CYP2C8: variants seen among roughly 807,000 people sequenced by gnomAD.
CYP2C8 encodes the protein cytochrome P450 2C8.
A neutral mutation model predicts 41.3 loss-of-function variants in CYP2C8; 51 were observed. That is an observed-to-expected ratio of 1.24 (90% confidence interval 0.99 to 1.56). CYP2C8 has a LOEUF of 1.56. Ranked by LOEUF, CYP2C8 falls within the 40% of genes most tolerant of loss-of-function variation. CYP2C8 has a pLI of 0.00. For missense variants in CYP2C8, 651 were observed against 579.9 expected (o/e 1.12, Z -1.26); for synonymous variants, 218 against 205.8 (o/e 1.06, Z -0.51).
intron 6 of CYP2C8, among the ~76,000 whole-genome samples, chr10:95,044,805 A>C (rs1300914560): frequency 6.6e-6 from 1 of 152,128 alleles, no homozygotes; most frequent in Admixed American, 6.6e-5. Flanking sequence ...CTCATTCCCT[A>C]CTGTCTTTGG....
intron 6 of CYP2C8, among the ~76,000 whole-genome samples, chr10:95,044,906 A>T (rs932635777): frequency 3.9e-5 from 6 of 152,210 alleles, no homozygotes; most frequent in African/African-American, 1.4e-4. Flanking sequence ...GCTAATACTT[A>T]CAACTCCATC....
At chr10:95,039,308 G>A (rs1428657800) in intron 7 of CYP2C8, 1 of 434,554 alleles carries the variant, frequency 2.3e-6, no homozygotes, top group Non-Finnish European at 4.2e-6. Flanking sequence ...CCCTTTTCTG[G>A]CCTCATTTGC....
At chr10:95,038,177 G>T (rs991444758) in intron 8 of CYP2C8, among the ~76,000 whole-genome samples, 6 of 152,172 alleles carry the variant, frequency 3.9e-5, no homozygotes, top group Non-Finnish European at 5.9e-5. Flanking sequence ...CAGGATATAT[G>T]ATCATGATTG....
chr10:95,064,649 C>T (rs11572093), intron 4 of CYP2C8, 151 bp downstream of exon 4: 197,700 of 768,670 alleles, frequency 0.26, 27,279 homozygotes, highest in Non-Finnish European at 0.28. Flanking sequence ...AAATTTTGAA[C>T]AGGAAATCAA....
chr10:95,058,218 T>C, intron 5 of CYP2C8, 117 bp downstream of exon 5: 1 of 1,449,878 alleles, frequency 6.9e-7, no homozygotes, highest in Non-Finnish European at 9.5e-7. Flanking sequence ...GTAATTAAGA[T>C]GCTTGTCAAG....
At position 95,058,508 on chromosome 10, in the gene CYP2C8, A is replaced by G. The variant is rs1262526703; in HGVS notation, c.646T>C (p.Cys216Arg). 3 of 1,610,038 alleles carry G rather than the reference A, an allele frequency of 1.9e-6. No homozygotes were observed. The highest frequency in any genetic ancestry group is 1.1e-5 in the South Asian group (1 of 90,790). ...RILNSPWIQV[C>R]NNFPLLIDCF... ...TCAATGAGTAGAGGGAAATTATTGC[A>G]GACCTAAAAGAGAAAAGAATATTAA... Residue 216 changes from cysteine to arginine, a missense_variant, in exon 5 of 9, where the codon TGC (cysteine) becomes CGC (arginine). Transcript: ENST00000371270.
intron 5 of CYP2C8, among the ~76,000 whole-genome samples, chr10:95,052,376 A>G (rs2033228966): frequency 6.6e-6 from 1 of 152,094 alleles, no homozygotes; most frequent in South Asian, 2.1e-4. Flanking sequence ...GCAAATATTT[A>G]AAGAACTAAT....
rs751169688 is a variant in CYP2C8, at chr10:95,042,911, G to A, written c.1128C>T (p.Phe376=). The change falls in exon 7 of 9, where the codon TTC becomes TTT. Residue 376 remains phenylalanine, a synonymous_variant. Transcript: ENST00000371270. ...TTACCTTGGGGATGAGGTAGTTTCT[G>A]AACTTAGTATCAGTGGTCACTGCAT... ...VPHAVTTDTK[F]RNYLIPKGTT... 1 of 1,614,058 alleles carries A rather than the reference G, an allele frequency of 6.2e-7. No individual in the cohort carries two copies. The highest frequency in any genetic ancestry group is 1.1e-5 in the South Asian group (1 of 91,076).
At position 95,042,822 on chromosome 10, in the gene CYP2C8, T is replaced by A. The variant is rs139182192; in HGVS notation, c.1149+68A>T. On this transcript the variant is annotated intron_variant, in intron 7 of 8. Coordinates refer to ENST00000371270, the MANE Select transcript of CYP2C8 (RefSeq NM_000770.3). ...TCTCTCATCTTGTGTTGTTAGAGGG[T>A]TGGAACCAAACCAGCACTATGGAAA... 16 of 1,352,964 alleles carry A rather than the reference T, an allele frequency of 1.2e-5. No homozygotes were observed. The East Asian group carries it at 3.7e-4, about 31-fold the overall frequency. 83.8% of individuals were successfully genotyped at this position (1,352,964 alleles called of 1,614,324 possible). A position where few individuals can be genotyped will look rare whatever the true frequency, so the allele number is the denominator to read the frequency against.
Position 95,038,962 on chromosome 10 carries a change from G to C in CYP2C8, c.1226C>G (p.Pro409Arg). ...KEFPNPNIFD[P>R]GHFLDKNGNF... ...GCCATTCTTATCTAGAAAGTGGCCAGGGTCAAAGATATTTGGATTAGGAAA... is the reference window on the plus strand; with the variant it reads ...GCCATTCTTATCTAGAAAGTGGCCACGGTCAAAGATATTTGGATTAGGAAA... The change falls in exon 8 of 9, where the codon CCT (proline) becomes CGT (arginine). Residue 409 changes from proline (P) to arginine (R), a missense_variant. Physicochemically the swap from Pro to Arg is moderately radical, Grantham distance 103 (BLOSUM62 -2). Coordinates refer to ENST00000371270, the MANE Select transcript of CYP2C8 (RefSeq NM_000770.3). 1 of 1,613,736 alleles carries C rather than the reference G, an allele frequency of 6.2e-7. No individual in the cohort carries two copies. The highest frequency in any genetic ancestry group is 8.5e-7 in the Non-Finnish European group (1 of 1,179,630).
At chr10:95,059,353 G>A (rs2033376334) in intron 4 of CYP2C8, among the ~76,000 whole-genome samples, 1 of 152,098 alleles carries the variant, frequency 6.6e-6, no homozygotes, top group Non-Finnish European at 1.5e-5. Context: ...GTGTGAAATG[G>A]TATCTCATTG....
At chr10:95,048,593 G>T (rs2033153655) in intron 5 of CYP2C8, among the ~76,000 whole-genome samples, 1 of 152,174 alleles carries the variant, frequency 6.6e-6, no homozygotes, top group Non-Finnish European at 1.5e-5. Context: ...TGTGGGTATG[G>T]TGTTAGCTGA....
Position 95,036,971 on chromosome 10 carries a change from TG to T in CYP2C8, c.*156del. 1 of 730,292 alleles carries T rather than the reference TG, an allele frequency of 1.4e-6. No individual in the cohort carries two copies. Among genetic ancestry groups the T allele is most frequent in the Non-Finnish European group, 2.5e-6 (1 of 404,840 alleles). The allele number at this position is 730,292 out of a possible 1,614,324, so 45.2% of individuals were successfully genotyped here. Reference sequence around the variant, plus strand: ...TTGCAGATATATTTGTGCAGTGACCTGAACAACTCTCCTTAATGGAGTTTGG... The same window carrying T: ...TTGCAGATATATTTGTGCAGTGACCTAACAACTCTCCTTAATGGAGTTTGG... On this transcript the variant is annotated 3_prime_UTR_variant, in exon 9 of 9. Coordinates refer to ENST00000371270, the MANE Select transcript of CYP2C8 (RefSeq NM_000770.3).
At chr10:95,063,680 G>A (rs975030544) in intron 4 of CYP2C8, among the ~76,000 whole-genome samples, 1 of 152,220 alleles carries the variant, frequency 6.6e-6, no homozygotes, top group Non-Finnish European at 1.5e-5. Flanking sequence ...CGTTGCTGGT[G>A]AGGAGCTGCA....
At chr10:95,056,748 G>A (rs1036151751) in intron 5 of CYP2C8, among the ~76,000 whole-genome samples, 10 of 152,176 alleles carry the variant, frequency 6.6e-5, no homozygotes, top group Admixed American at 1.3e-4. Flanking sequence ...TGGGAATGAG[G>A]TGTAACTATT....
At position 95,067,300 on chromosome 10, in the gene CYP2C8, G is replaced by A. The variant is rs139650638; in HGVS notation, c.389C>T (p.Thr130Ile). Reference sequence around the variant, plus strand: ...CTTCCCCATCCCAAAATTCCGCAAGGTTGTGAGGGAGAAACGCCGGATCTC... The same window carrying A: ...CTTCCCCATCCCAAAATTCCGCAAGATTGTGAGGGAGAAACGCCGGATCTC... ...WKEIRRFSLT[T>I]LRNFGMGKRS... The change falls in exon 3 of 9, where the codon ACC becomes ATC. Residue 130 changes from threonine (T) to isoleucine (I), a missense_variant. By Grantham distance (89) the Thr-to-Ile change is moderately conservative. Transcript: ENST00000371270. The A allele has an allele frequency of 4.1e-5, 66 of 1,614,168 alleles. No homozygotes were observed. In the South Asian group the frequency reaches 5.5e-4, roughly 13 times the overall value.
At chr10:95,041,787 C>CAAAAA (rs60326519) in intron 7 of CYP2C8, among the ~76,000 whole-genome samples, 1 of 83,170 alleles carries the variant, frequency 1.2e-5, no homozygotes, top group Non-Finnish European at 2.2e-5. Context: ...GACTCCGTCT[C>CAAAAA]AAAAAAAAAA....
Position 95,042,997 on chromosome 10 carries a change from T to A in CYP2C8, c.1042A>T (p.Thr348Ser). ...TGGATCTCGTGCACTACAGCATCAG[T>A]GTAAGGCATGTGGCTCCTATCCTGC... is the stretch of plus-strand genomic sequence containing the variant. ...CMQDRSHMPY[T>S]DAVVHEIQRY... Residue 348 changes from threonine to serine, a missense_variant, in exon 7 of 9, where the codon ACT (threonine) becomes TCT (serine). Physicochemically the swap from Thr to Ser is moderately conservative, Grantham distance 58 (BLOSUM62 1). Transcript: ENST00000371270. 1 of 1,614,202 alleles carries A rather than the reference T, an allele frequency of 6.2e-7. No homozygotes were observed. Among genetic ancestry groups the A allele is most frequent in the Non-Finnish European group, 8.5e-7 (1 of 1,180,020 alleles).
At chr10:95,056,866 A>G (rs571311604) in intron 5 of CYP2C8, among the ~76,000 whole-genome samples, 4 of 152,102 alleles carry the variant, frequency 2.6e-5, no homozygotes, top group Non-Finnish European at 5.9e-5. Flanking sequence ...TTAGCCTGGG[A>G]GGGTTCCTGG....
Sources: gnomAD v4.1 joint callset for allele counts (sites outside exome capture counted in the v4.1 genomes callset) on GRCh38, gnomAD v4.1.1 for gene constraint, MANE v1.5 for transcripts, NCBI Gene and HGNC (gene_info 2026-07-23, HGNC 2026-07-21) for gene names.